The following SLC2A13 variants were observed in gnomAD, a reference collection of about 807,000 sequenced individuals.
The protein encoded by SLC2A13 is proton myo-inositol cotransporter.
SLC2A13 carries 32 observed loss-of-function variants against 64.4 expected under a neutral mutation model. That is an observed-to-expected ratio of 0.50 (90% confidence interval 0.37 to 0.67). The LOEUF is 0.67. Ranked by LOEUF, SLC2A13 falls within the 30% of genes least tolerant of loss-of-function variation. The pLI, the probability that SLC2A13 is intolerant of heterozygous loss-of-function variation, is 0.00. For synonymous variants in SLC2A13, 338 were observed against 327.1 expected, an observed-to-expected ratio of 1.03 and a Z score of -0.36; for missense variants, 743 against 829.2, an observed-to-expected ratio of 0.90 and a Z score of 1.28.
At chr12:39,898,142 C>A (rs1053080937) in intron 4 of SLC2A13, among the ~76,000 whole-genome samples, 3 of 152,110 alleles carry the variant, frequency 2.0e-5, no homozygotes, top group Non-Finnish European at 4.4e-5. Flanking sequence ...ACATGTACAG[C>A]TTTCCATTTG....
chr12:39,776,074 G>A (rs1940765094), intron 7 of SLC2A13, among the ~76,000 whole-genome samples: 1 of 152,210 alleles, frequency 6.6e-6, no homozygotes, highest in East Asian at 1.9e-4. Flanking sequence ...CTCATAGACA[G>A]CTAATCTGGG....
At chr12:39,929,660 G>C (rs75144021) in intron 4 of SLC2A13, among the ~76,000 whole-genome samples, 2,250 of 152,272 alleles carry the variant, frequency 0.015, 27 homozygotes, top group Middle Eastern at 0.041. Flanking sequence ...AGATGGGAGA[G>C]GCAGGCAGGA....
intron 2 of SLC2A13, among the ~76,000 whole-genome samples, chr12:40,035,453 C>A (rs1255411491): frequency 6.6e-6 from 1 of 152,102 alleles, no homozygotes; most frequent in African/African-American, 2.4e-5. Flanking sequence ...CATTGAGATC[C>A]CAGGCTGGAA....
At chr12:39,862,761 G>A (rs1943796004) in intron 6 of SLC2A13, among the ~76,000 whole-genome samples, 1 of 152,118 alleles carries the variant, frequency 6.6e-6, no homozygotes, top group African/African-American at 2.4e-5. Flanking sequence ...TGGGGTACAT[G>A]TCATATTTTA....
At chr12:39,818,571 A>G (rs1942403600) in intron 7 of SLC2A13, among the ~76,000 whole-genome samples, 1 of 152,178 alleles carries the variant, frequency 6.6e-6, no homozygotes, top group African/African-American at 2.4e-5. Flanking sequence ...CTTATGTGAC[A>G]TAGCCCAAGG....
At chr12:40,077,373 TAAC>T (rs1472959482) in intron 1 of SLC2A13, among the ~76,000 whole-genome samples, 3 of 152,220 alleles carry the variant, frequency 2.0e-5, no homozygotes, top group African/African-American at 7.2e-5. Context: ...TGTATATGGC[TAAC>T]CAGCTCTTCA....
At chr12:39,998,765 G>A (rs2136178437) in intron 3 of SLC2A13, among the ~76,000 whole-genome samples, 1 of 152,280 alleles carries the variant, frequency 6.6e-6, no homozygotes, top group East Asian at 1.9e-4. Flanking sequence ...GACTTTGGAG[G>A]ACTGTTGGGA....
intron 4 of SLC2A13, among the ~76,000 whole-genome samples, chr12:39,903,720 C>T (rs901294817): frequency 2.0e-5 from 3 of 152,102 alleles, no homozygotes; most frequent in African/African-American, 4.8e-5. Flanking sequence ...GAAATGGAGA[C>T]ATCATTTGAG....
intron 7 of SLC2A13, among the ~76,000 whole-genome samples, chr12:39,777,236 C>T (rs568759418): frequency 2.2e-4 from 34 of 152,142 alleles, no homozygotes; most frequent in African/African-American, 6.7e-4. Flanking sequence ...AAGAAGAGAC[C>T]GGACTAAACT....
At chr12:39,982,509 C>T (rs1330740583) in intron 3 of SLC2A13, among the ~76,000 whole-genome samples, 4 of 151,480 alleles carry the variant, frequency 2.6e-5, no homozygotes, top group Non-Finnish European at 5.9e-5. Flanking sequence ...GTACAAAAAT[C>T]ACAAGCATTC....
chr12:39,973,042 G>A (rs760766880), intron 3 of SLC2A13, among the ~76,000 whole-genome samples: 3 of 152,114 alleles, frequency 2.0e-5, no homozygotes, highest in East Asian at 1.9e-4. Context: ...ACTCCAGCCC[G>A]GGCAACAAGA....
chr12:39,965,428 G>A (rs1946492425), intron 3 of SLC2A13, among the ~76,000 whole-genome samples: 1 of 152,088 alleles, frequency 6.6e-6, no homozygotes, highest in African/African-American at 2.4e-5. Flanking sequence ...CAAAACTGAA[G>A]AGTACAAAAT....
At chr12:39,822,015 C>A (rs1011019982) in intron 7 of SLC2A13, among the ~76,000 whole-genome samples, 1 of 151,756 alleles carries the variant, frequency 6.6e-6, no homozygotes, top group Non-Finnish European at 1.5e-5. Context: ...GTGCGCTGCA[C>A]ACACTAACTC....
At chr12:39,833,547 C>T (rs757867806) in intron 6 of SLC2A13, among the ~76,000 whole-genome samples, 56 of 152,120 alleles carry the variant, frequency 3.7e-4, no homozygotes, top group Admixed American at 6.6e-4. Context: ...TTAAAGCCAC[C>T]CTGCAGAACT....
At chr12:39,793,441 C>G (rs1194084752) in intron 7 of SLC2A13, among the ~76,000 whole-genome samples, 1 of 152,024 alleles carries the variant, frequency 6.6e-6, no homozygotes, top group Admixed American at 6.6e-5. Context: ...AAAATCTTAG[C>G]AATATAAGCT....
At chr12:39,915,129 G>A (rs1327275498) in intron 4 of SLC2A13, among the ~76,000 whole-genome samples, 1 of 151,926 alleles carries the variant, frequency 6.6e-6, no homozygotes, top group Non-Finnish European at 1.5e-5. Context: ...AGAATTAAAA[G>A]TGCATATAGC....
At chr12:39,825,649 C>T (rs1942648442) in intron 7 of SLC2A13, among the ~76,000 whole-genome samples, 2 of 152,124 alleles carry the variant, frequency 1.3e-5, no homozygotes, top group African/African-American at 2.4e-5. Context: ...ATTTAAAAAT[C>T]TTTACTATCC....
At position 39,882,296 on chromosome 12, in the gene SLC2A13, A is replaced by G. The variant is rs180743910; in HGVS notation, c.1035-10335T>C. On this transcript the variant is annotated intron_variant, in intron 4 of 9. Transcript: ENST00000280871. Reference sequence around the variant, plus strand: ...TTCTGATTCAGTAGGTCTAGGACCAAGAATTTGCCTTTCCAACAAATTTTC... The same window carrying G: ...TTCTGATTCAGTAGGTCTAGGACCAGGAATTTGCCTTTCCAACAAATTTTC... Among the ~76,000 whole-genome samples the G allele has an allele frequency of 3.9e-5, 6 of 152,308 alleles. No individual in the cohort carries two copies. The East Asian group carries it at 9.6e-4, about 24-fold the overall frequency.
rs747737576 is a variant in SLC2A13, at chr12:39,764,870, T to C, written c.1446-12A>G. The C allele has an allele frequency of 1.2e-6, 2 of 1,610,178 alleles. No individual in the cohort carries two copies. The highest frequency in any genetic ancestry group is 1.7e-6 in the Non-Finnish European group (2 of 1,178,018). On this transcript the variant is annotated splice_polypyrimidine_tract_variant and intron_variant, in intron 7 of 9. Coordinates refer to ENST00000280871, the MANE Select transcript of SLC2A13 (RefSeq NM_052885.4). ...TTTCATTTTCACACCTGAAAAATAA[T>C]GCAATATAAGTATTAACTTAATGTT...
Sources: gnomAD v4.1 joint callset for allele counts (sites outside exome capture counted in the v4.1 genomes callset) on GRCh38, gnomAD v4.1.1 for gene constraint, MANE v1.5 for transcripts, NCBI Gene and HGNC (gene_info 2026-07-23, HGNC 2026-07-21) for gene names.